The following CLINT1 variants were observed in gnomAD, a reference collection of about 807,000 sequenced individuals.
The protein encoded by CLINT1 is clathrin interacting protein localized in the trans-Golgi region.
CLINT1 carries 15 observed loss-of-function variants against 70.4 expected under a neutral mutation model. The observed-to-expected ratio is 0.21, with a 90% confidence interval of 0.14 to 0.33. The LOEUF (loss-of-function observed/expected upper bound fraction) is 0.33. Among genes scored for constraint, CLINT1 ranks in the 10% least tolerant of loss-of-function variants. The pLI, the probability that CLINT1 is intolerant of heterozygous loss-of-function variation, is 1.00. For missense variants in CLINT1, 615 were observed against 778.1 expected (o/e 0.79, Z 2.49); for synonymous variants, 227 against 254.7 (o/e 0.89, Z 1.04).
chr5:157,850,982 G>A (rs1753552948), intron 1 of CLINT1, among the ~76,000 whole-genome samples: 1 of 151,982 alleles, frequency 6.6e-6, no homozygotes, highest in Admixed American at 6.6e-5. Flanking sequence ...TTTTTGTAGA[G>A]ACAAGGTCTG....
At chr5:157,792,141 T>G in intron 9 of CLINT1, 146 bp from the exon 10 acceptor site, 1 of 673,706 alleles carries the variant, frequency 1.5e-6, no homozygotes, top group Non-Finnish European at 2.5e-6. Context: ...ACAGTATTCT[T>G]TCTCATAAAT....
intron 7 of CLINT1, 108 bp downstream of exon 7, chr5:157,805,757 AT>A: frequency 7.5e-7 from 1 of 1,338,950 alleles, no homozygotes; most frequent in Non-Finnish European, 1.0e-6. Flanking sequence ...CAGATGATCC[AT>A]AATTAATATG....
chr5:157,818,466 C>CCAAAAAAAAA (rs1561653763), intron 1 of CLINT1, among the ~76,000 whole-genome samples: 19 of 100,262 alleles, frequency 1.9e-4, no homozygotes, highest in African/African-American at 7.8e-4. Flanking sequence ...GACCTGGTCT[C>CCAAAAAAAAA]TAAAAAAAAA....
intron 1 of CLINT1, among the ~76,000 whole-genome samples, chr5:157,855,705 TG>T (rs764370504): frequency 6.6e-6 from 1 of 152,174 alleles, no homozygotes; most frequent in Non-Finnish European, 1.5e-5. Context: ...GTAGCTGAGA[TG>T]GGTGGATCAC....
chr5:157,823,734 A>G, intron 1 of CLINT1: 1 of 816,352 alleles, frequency 1.2e-6, no homozygotes. Flanking sequence ...TTTTTAACAT[A>G]AAACACCCAT....
intron 8 of CLINT1, chr5:157,795,460 T>C (rs1325991660): frequency 6.5e-6 from 1 of 154,344 alleles, no homozygotes; most frequent in Non-Finnish European, 1.4e-5. Context: ...GTGGTCTGTA[T>C]ATTAACATTA....
intron 1 of CLINT1, among the ~76,000 whole-genome samples, chr5:157,842,509 C>T (rs1753221924): frequency 6.6e-6 from 1 of 152,108 alleles, no homozygotes; most frequent in African/African-American, 2.4e-5. Flanking sequence ...TAAACACTAG[C>T]AAAATGTTAT....
chr5:157,822,537 T>G (rs991975633), intron 1 of CLINT1, among the ~76,000 whole-genome samples: 5 of 152,214 alleles, frequency 3.3e-5, no homozygotes, highest in African/African-American at 1.2e-4. Context: ...GAAAATGGAC[T>G]AACACATGCT....
intron 2 of CLINT1, among the ~76,000 whole-genome samples, chr5:157,817,116 T>A (rs1354124835): frequency 6.6e-6 from 1 of 152,162 alleles, no homozygotes; most frequent in Non-Finnish European, 1.5e-5. Flanking sequence ...ATGGCCCAGA[T>A]GTTCACAGAA....
intron 8 of CLINT1, among the ~76,000 whole-genome samples, chr5:157,797,970 T>C (rs1762113078): frequency 6.6e-6 from 1 of 152,210 alleles, no homozygotes; most frequent in Non-Finnish European, 1.5e-5. Flanking sequence ...GAAAGATGTA[T>C]GTAACTATTT....
At chr5:157,840,324 C>T (rs1176413060) in intron 1 of CLINT1, among the ~76,000 whole-genome samples, 1 of 145,400 alleles carries the variant, frequency 6.9e-6, no homozygotes, top group East Asian at 2.1e-4. Flanking sequence ...GGTTAAGAAA[C>T]TCTTCATTAA....
chr5:157,856,109 G>T (rs539204482), intron 1 of CLINT1, among the ~76,000 whole-genome samples: 3 of 152,216 alleles, frequency 2.0e-5, no homozygotes, highest in African/African-American at 7.2e-5. Flanking sequence ...CTTATTTATT[G>T]CATAAAATAT....
intron 11 of CLINT1, 175 bp from the exon 12 acceptor site, chr5:157,788,167 A>G (rs2113115601): frequency 1.5e-6 from 1 of 656,756 alleles, no homozygotes; most frequent in Non-Finnish European, 2.7e-6. Flanking sequence ...TGAGACATAT[A>G]TTCAGTGACT....
At chr5:157,850,188 G>C (rs145053645) in intron 1 of CLINT1, among the ~76,000 whole-genome samples, 1 of 152,188 alleles carries the variant, frequency 6.6e-6, no homozygotes, top group African/African-American at 2.4e-5. Context: ...ATTTGACTTA[G>C]TATTTTTAAA....
chr5:157,841,168 G>C (rs1753160712), intron 1 of CLINT1, among the ~76,000 whole-genome samples: 1 of 152,122 alleles, frequency 6.6e-6, no homozygotes, highest in South Asian at 2.1e-4. Flanking sequence ...CGGGAGTCTA[G>C]AGTGGGAGGA....
At position 157,786,532 on chromosome 5, in the gene CLINT1, A is replaced by G. The variant is rs1761732021; in HGVS notation, c.*1114T>C. On this transcript the variant is annotated 3_prime_UTR_variant, in exon 12 of 12. Transcript: ENST00000411809. ...TAATGCAGAATTACAGCAGAAAAAC[A>G]AAAACATTTTCATTAATTTCCTTTG... is the stretch of plus-strand genomic sequence containing the variant. The G allele has an allele frequency of 6.6e-6, 1 of 152,590 alleles. No individual in the cohort carries two copies. The highest frequency in any genetic ancestry group is 1.5e-5 in the Non-Finnish European group (1 of 68,008). The allele number at this position is 152,590 out of a possible 1,614,324, so 9.5% of individuals were successfully genotyped here. A position where few individuals can be genotyped will look rare whatever the true frequency, so the allele number is the denominator to read the frequency against.
chr5:157,843,291 A>C (rs377139575), intron 1 of CLINT1, among the ~76,000 whole-genome samples: 1 of 152,224 alleles, frequency 6.6e-6, no homozygotes, highest in East Asian at 1.9e-4. Context: ...CTAAAGAAAT[A>C]AAACAAAAGT....
At position 157,786,666 on chromosome 5, in the gene CLINT1, C is replaced by G. The variant is rs1054070772; in HGVS notation, c.*980G>C. 3 of 152,166 alleles carry G rather than the reference C, an allele frequency of 2.0e-5. No homozygotes were observed. The highest frequency in any genetic ancestry group is 4.4e-5 in the Non-Finnish European group (3 of 67,940). 9.4% of individuals were successfully genotyped at this position (152,166 alleles called of 1,614,324 possible). ...ATGCTGCATTATATACACTCAAAACCAAAACAAAACAAATACTGTATAAAA... is the reference window on the plus strand; with the variant it reads ...ATGCTGCATTATATACACTCAAAACGAAAACAAAACAAATACTGTATAAAA... On this transcript the variant is annotated 3_prime_UTR_variant, in exon 12 of 12. Coordinates refer to ENST00000411809, the MANE Select transcript of CLINT1 (RefSeq NM_014666.4).
chr5:157,842,691 T>G (rs185705286), intron 1 of CLINT1, among the ~76,000 whole-genome samples: 2 of 152,214 alleles, frequency 1.3e-5, no homozygotes, highest in Non-Finnish European at 2.9e-5. Context: ...ACATTATCTA[T>G]TCCAGTACAA....
Sources: gnomAD v4.1 joint callset for allele counts (sites outside exome capture counted in the v4.1 genomes callset) on GRCh38, gnomAD v4.1.1 for gene constraint, MANE v1.5 for transcripts, NCBI Gene and HGNC (gene_info 2026-07-23, HGNC 2026-07-21) for gene names.